KLHL29: variants seen among roughly 807,000 people sequenced by gnomAD.
The protein encoded by KLHL29 is kelch-like protein 29.
In KLHL29, 21 loss-of-function variants were observed where a neutral mutation model predicts 80.4. The ratio of observed to expected loss-of-function variants is 0.26; its 90% CI spans 0.19 to 0.38. The LOEUF (loss-of-function observed/expected upper bound fraction) is 0.38, where lower values mean the gene tolerates loss of function less well. Ranked by LOEUF, KLHL29 falls within the 10% of genes least tolerant of loss-of-function variation. The probability of loss-of-function intolerance (pLI) is 1.00; values close to 1 mark genes in which losing one functional copy is unlikely to be tolerated. For missense variants in KLHL29, 867 were observed against 1,223.9 expected, an observed-to-expected ratio of 0.71 and a Z score of 4.35; for synonymous variants, 511 against 526.8, an observed-to-expected ratio of 0.97 and a Z score of 0.41.
At chr2:23,444,786 A>G (rs1002224550) in intron 1 of KLHL29, among the ~76,000 whole-genome samples, 1 of 152,236 alleles carries the variant, frequency 6.6e-6, no homozygotes, top group Non-Finnish European at 1.5e-5. Flanking sequence ...TGTCCTTAGA[A>G]TATATCCCGT....
intron 1 of KLHL29, among the ~76,000 whole-genome samples, chr2:23,407,475 T>C (rs374226250): frequency 2.0e-5 from 3 of 152,166 alleles, no homozygotes; most frequent in Admixed American, 6.5e-5. Context: ...TTTTTTCTTA[T>C]TGATTTTTAA....
At chr2:23,540,868 C>G (rs1666812520) in intron 2 of KLHL29, among the ~76,000 whole-genome samples, 1 of 152,182 alleles carries the variant, frequency 6.6e-6, no homozygotes, top group Admixed American at 6.5e-5. Flanking sequence ...TGGGCATGAT[C>G]CTGAAGGAAG....
chr2:23,426,467 G>A (rs184475644), intron 1 of KLHL29, among the ~76,000 whole-genome samples: 364 of 152,316 alleles, frequency 2.4e-3, no homozygotes, highest in Admixed American at 4.3e-3. Flanking sequence ...TTCCCCTCCA[G>A]TTCTGGTTCT....
intron 2 of KLHL29, among the ~76,000 whole-genome samples, chr2:23,483,159 A>G (rs1391637054): frequency 6.6e-6 from 1 of 152,160 alleles, no homozygotes; most frequent in Non-Finnish European, 1.5e-5. Context: ...TGACCATATG[A>G]GATAAAAACC....
chr2:23,388,168 T>G (rs906202746), intron 1 of KLHL29, among the ~76,000 whole-genome samples: 1 of 152,170 alleles, frequency 6.6e-6, no homozygotes, highest in African/African-American at 2.4e-5. Flanking sequence ...TTCTAATGAG[T>G]GGTGGTCATA....
At chr2:23,450,986 T>A (rs1256705465) in intron 1 of KLHL29, among the ~76,000 whole-genome samples, 3 of 152,248 alleles carry the variant, frequency 2.0e-5, no homozygotes, top group Non-Finnish European at 4.4e-5. Flanking sequence ...ATCCACTTTC[T>A]ATGTCTATAG....
chr2:23,695,603 C>A lies in KLHL29; in HGVS notation c.1543-20C>A. On this transcript the variant is annotated intron_variant, in intron 8 of 13. Transcript: ENST00000486442. This position sits in a 1 kb window ranked among gnomAD's most constrained non-coding sequence, Gnocchi z 7.6. ...TCTCTCTTGCTAGTCTAAGAAGATTCTGTCTCCTGTACCCTGCAGTACGCG... is the reference window on the plus strand; with the variant it reads ...TCTCTCTTGCTAGTCTAAGAAGATTATGTCTCCTGTACCCTGCAGTACGCG... The A allele has an allele frequency of 6.6e-7, 1 of 1,517,230 alleles. No individual in the cohort carries two copies. The highest frequency in any genetic ancestry group is 8.9e-7 in the Non-Finnish European group (1 of 1,128,326). 94.0% of individuals were successfully genotyped at this position (1,517,230 alleles called of 1,614,324 possible). A position where few individuals can be genotyped will look rare whatever the true frequency, so the allele number is the denominator to read the frequency against.
chr2:23,523,306 C>G (rs1386420228), intron 2 of KLHL29, among the ~76,000 whole-genome samples: 1 of 152,234 alleles, frequency 6.6e-6, no homozygotes, highest in Non-Finnish European at 1.5e-5. Context: ...TTTCCAACCC[C>G]TCTTATGATC....
At chr2:23,666,275 C>T (rs1269385264) in intron 5 of KLHL29, among the ~76,000 whole-genome samples, 2 of 152,200 alleles carry the variant, frequency 1.3e-5, no homozygotes, top group African/African-American at 4.8e-5. Flanking sequence ...TTTTCCAAGG[C>T]CGCCTAAGAC....
chr2:23,693,990 C>T (rs774539803), intron 8 of KLHL29, among the ~76,000 whole-genome samples: 2 of 152,162 alleles, frequency 1.3e-5, no homozygotes, highest in African/African-American at 4.8e-5. Flanking sequence ...CCATTGAGCC[C>T]CAGAGAAAGG....
chr2:23,645,659 G>A (rs1401349795), intron 5 of KLHL29, among the ~76,000 whole-genome samples: 2 of 152,204 alleles, frequency 1.3e-5, no homozygotes, highest in East Asian at 3.8e-4. Flanking sequence ...AACAGGTCTT[G>A]CCAGCCAGAG....
chr2:23,697,694 G>A (rs971816635), intron 11 of KLHL29: 3 of 151,974 alleles, frequency 2.0e-5, no homozygotes, highest in African/African-American at 4.8e-5. Context: ...AGATGGCTCA[G>A]TAACAACATT....
chr2:23,645,992 C>A (rs1486993561), intron 5 of KLHL29, among the ~76,000 whole-genome samples: 1 of 151,828 alleles, frequency 6.6e-6, no homozygotes, highest in African/African-American at 2.4e-5. Context: ...AAGAAACTTA[C>A]AAGACAAATC....
intron 3 of KLHL29, among the ~76,000 whole-genome samples, chr2:23,621,160 G>T (rs1368109895): frequency 6.6e-6 from 1 of 152,234 alleles, no homozygotes; most frequent in African/African-American, 2.4e-5. Context: ...TCCAGTCTAT[G>T]GGGCCCAGTT....
chr2:23,451,146 C>T (rs1663867691), intron 1 of KLHL29, among the ~76,000 whole-genome samples: 1 of 152,192 alleles, frequency 6.6e-6, no homozygotes, highest in Admixed American at 6.5e-5. Context: ...GGCTCCACAT[C>T]CTACTCCACT....
chr2:23,594,700 G>A (rs1668354394), intron 3 of KLHL29, among the ~76,000 whole-genome samples: 1 of 152,156 alleles, frequency 6.6e-6, no homozygotes, highest in Non-Finnish European at 1.5e-5. Context: ...GTAGAATAAT[G>A]AGTCAATGCA....
At position 23,684,367 on chromosome 2, in the gene KLHL29, A is replaced by T; in HGVS notation, c.941-32A>T. Reference sequence around the variant, plus strand: ...AAAAAAAAAAAAACTCTTAATGGGAACCTGGCCCTGTCTGTCTTCTCTGTT... The same window carrying T: ...AAAAAAAAAAAAACTCTTAATGGGATCCTGGCCCTGTCTGTCTTCTCTGTT... On this transcript the variant is annotated intron_variant, in intron 5 of 13. Transcript: ENST00000486442. The surrounding 1 kb of genome is among the most constrained non-coding windows in gnomAD (Gnocchi z 4.4). 7.2e-7 allele frequency: 1 copy of T among 1,386,822 alleles called. No homozygotes were observed. The highest frequency in any genetic ancestry group is 9.4e-7 in the Non-Finnish European group (1 of 1,062,012). The allele number at this position is 1,386,822 out of a possible 1,614,324, so 85.9% of individuals were successfully genotyped here. A position where few individuals can be genotyped will look rare whatever the true frequency, so the allele number is the denominator to read the frequency against.
intron 5 of KLHL29, among the ~76,000 whole-genome samples, chr2:23,671,053 C>T: frequency 2.0e-5 from 1 of 50,414 alleles, no homozygotes; most frequent in Non-Finnish European, 6.2e-5. Context: ...CCAGCTGTGA[C>T]TCCTCCCTGG....
At chr2:23,551,108 C>T (rs991719862) in intron 2 of KLHL29, among the ~76,000 whole-genome samples, 4 of 152,200 alleles carry the variant, frequency 2.6e-5, no homozygotes, top group East Asian at 1.9e-4. Context: ...TGCTCCTCTA[C>T]GTAATCAAAT....
Sources: gnomAD v4.1 joint callset for allele counts (sites outside exome capture counted in the v4.1 genomes callset) on GRCh38, gnomAD v4.1.1 for gene constraint, Gnocchi (gnomAD v3.1) non-coding constraint, MANE v1.5 for transcripts, NCBI Gene and HGNC (gene_info 2026-07-23, HGNC 2026-07-21) for gene names.